The following ZNF512 variants were observed in gnomAD, a reference collection of about 807,000 sequenced individuals.
ZNF512 encodes zinc finger protein 512.
Under a neutral mutation model 77.5 loss-of-function variants are expected in ZNF512, and 25 were observed. The observed-to-expected ratio is 0.32, with a 90% CI of 0.23 to 0.45. ZNF512 has a LOEUF of 0.45. Ranked by LOEUF, ZNF512 falls within the 20% of genes least tolerant of loss-of-function variation. ZNF512 has a pLI of 1.00. For missense variants in ZNF512, 483 were observed against 692.6 expected (o/e 0.70, Z 3.40); for synonymous variants, 246 against 239.9 (o/e 1.03, Z -0.24).
At chr2:27,603,573 A>AGTGCGTGTGTGTGTGTGTGTGTGT (rs1672218741) in intron 9 of ZNF512, among the ~76,000 whole-genome samples, 1 of 133,176 alleles carries the variant, frequency 7.5e-6, no homozygotes, top group African/African-American at 3.1e-5. Context: ...ATTTTTATAT[A>AGTGCGTGTGTGTGTGTGTGTGTGT]GTGTGTGTGT....
At chr2:27,595,836 G>A (rs1671844005) in intron 2 of ZNF512, among the ~76,000 whole-genome samples, 1 of 152,110 alleles carries the variant, frequency 6.6e-6, no homozygotes, top group Non-Finnish European at 1.5e-5. Flanking sequence ...TTATAAGAAA[G>A]TATTTCTTTT....
intron 11 of ZNF512, among the ~76,000 whole-genome samples, chr2:27,615,546 G>A (rs528083290): frequency 1.3e-5 from 2 of 152,346 alleles, no homozygotes; most frequent in South Asian, 4.1e-4. Flanking sequence ...CATTTATCTG[G>A]GAGCTTGGCT....
chr2:27,600,591 G>T (rs1306946078), intron 5 of ZNF512, 100 bp from the exon 6 acceptor site: 3 of 1,453,162 alleles, frequency 2.1e-6, no homozygotes, highest in Non-Finnish European at 2.8e-6. Flanking sequence ...CCAGGAAAAG[G>T]AAAAACCATT....
intron 2 of ZNF512, among the ~76,000 whole-genome samples, chr2:27,597,207 T>C (rs896967281): frequency 6.6e-6 from 1 of 152,240 alleles, no homozygotes; most frequent in African/African-American, 2.4e-5. Flanking sequence ...AGTGTTACCT[T>C]GAATCTGCCA....
chr2:27,583,612 G>C, intron 1 of ZNF512, 46 bp from the exon 2 acceptor site: 1 of 1,608,040 alleles, frequency 6.2e-7, no homozygotes, highest in South Asian at 1.1e-5. Context: ...TTGTGGTCGA[G>C]GTTCAGAGGT....
rs191891365 is a variant in ZNF512 at position 27,598,106 on chromosome 2, G to A, written c.129G>A (p.Gln43=). 1.5e-4 allele frequency: 245 copies of A among 1,610,104 alleles called. 1 individual carries two copies. The East Asian group carries it at 5.1e-3, about 34-fold the overall frequency. The part of the protein sequence containing the change: ...TQCSIKDNSF[Q]YTIPHDDSLS... ...GCTCCATAAAGGATAATAGTTTCCA[G>A]TACACTATCCCTCATGATGACTCCT... Residue 43 remains glutamine (Q), a synonymous_variant, in exon 3 of 14, where the codon CAG becomes CAA. Transcript: ENST00000355467.
chr2:27,590,252 A>G (rs1019496288), intron 2 of ZNF512, among the ~76,000 whole-genome samples: 1 of 152,230 alleles, frequency 6.6e-6, no homozygotes, highest in Non-Finnish European at 1.5e-5. Context: ...AGGCACATAC[A>G]GTGGGTAATT....
intron 2 of ZNF512, 24 bp from the exon 3 acceptor site, chr2:27,598,043 G>A (rs755122084): frequency 2.0e-6 from 3 of 1,499,650 alleles, no homozygotes; most frequent in Non-Finnish European, 2.7e-6. Flanking sequence ...TTCCTTTGTG[G>A]TATATATTTT....
chr2:27,617,953 T>G (rs1455171496), intron 13 of ZNF512, among the ~76,000 whole-genome samples: 1 of 149,860 alleles, frequency 6.7e-6, no homozygotes, highest in Non-Finnish European at 1.5e-5. Context: ...TTGAACTCTT[T>G]TTTTTTTTTT....
chr2:27,601,326 C>G (rs751955377), intron 6 of ZNF512, 30 bp from the exon 7 acceptor site: 1 of 1,550,756 alleles, frequency 6.4e-7, no homozygotes, highest in Non-Finnish European at 8.9e-7. Flanking sequence ...TGTGGAACAA[C>G]CTAGCACTGA....
rs772057008 is a variant in ZNF512, at chr2:27,622,613, T to C, written c.*1152T>C. ...ATCTGGTAATGTTTAATGGGTTATT[T>C]CTCTTTGAGGGTGGCTTTCTCTGGA... is the stretch of plus-strand genomic sequence containing the variant. On this transcript the variant is annotated 3_prime_UTR_variant, in exon 14 of 14. Transcript: ENST00000355467. The C allele has an allele frequency of 6.5e-6, 1 of 152,822 alleles. No individual in the cohort carries two copies. The highest frequency in any genetic ancestry group is 1.5e-5 in the Non-Finnish European group (1 of 68,046). The allele number at this position is 152,822 out of a possible 1,614,324, so 9.5% of individuals were successfully genotyped here. A position where few individuals can be genotyped will look rare whatever the true frequency, so the allele number is the denominator to read the frequency against.
rs1558468535 is a variant in ZNF512 at position 27,598,249 on chromosome 2, T to C, written c.272T>C (p.Val91Ala). The C allele has an allele frequency of 8.7e-6, 14 of 1,611,972 alleles. No individual in the cohort carries two copies. The highest frequency in any genetic ancestry group is 1.1e-5 in the Non-Finnish European group (13 of 1,179,084). Residue 91 changes from valine (V) to alanine (A), a missense_variant, in exon 3 of 14, where the codon GTC becomes GCC. Val to Ala is a moderately conservative substitution (Grantham distance 64, BLOSUM62 0). Around this residue, in one of 2 missense-constraint regions of ZNF512, gnomAD observed 159 missense variants for 167.5 expected, o/e 0.95. Coordinates refer to ENST00000355467, the MANE Select transcript of ZNF512 (RefSeq NM_032434.4). ...ATCAAGCCAGCTGCTACTTCTCATG[T>C]CGAAGGTATCAATATCAGTGTCTTA... ...RRIKPAATSHVEGSGGVSAKG... is the reference protein window; with the variant it reads ...RRIKPAATSHAEGSGGVSAKG...
chr2:27,583,174 G>A, intron 1 of ZNF512, 32 bp downstream of exon 1: 1 of 1,614,198 alleles, frequency 6.2e-7, no homozygotes, highest in Non-Finnish European at 8.5e-7. Context: ...TTATGCTTTA[G>A]AGGTAGCGCT....
In ZNF512 at chr2:27,599,522, G is replaced by A. The variant is rs1203466119; in HGVS notation, c.278-61G>A. ...CTTGTGAATGATGTTTTGAAGACAG[G>A]CCTAGATGTTCATTTACAAAGTGTG... On this transcript the variant is annotated intron_variant, in intron 3 of 13. Coordinates refer to ENST00000355467, the MANE Select transcript of ZNF512 (RefSeq NM_032434.4). The A allele has an allele frequency of 5.3e-5, 65 of 1,223,540 alleles. No individual in the cohort carries two copies. In the South Asian group the frequency reaches 6.4e-4, roughly 12 times the overall value. The allele number at this position is 1,223,540 out of a possible 1,614,324, so 75.8% of individuals were successfully genotyped here.
intron 2 of ZNF512, 151 bp downstream of exon 2, chr2:27,583,867 G>A (rs1198655128): frequency 1.2e-6 from 1 of 829,830 alleles, no homozygotes. Context: ...AATGTGGCTA[G>A]TGCAACTGAG....
intron 8 of ZNF512, 22 bp from the exon 9 acceptor site, chr2:27,603,118 T>G: frequency 6.2e-7 from 1 of 1,612,362 alleles, no homozygotes; most frequent in East Asian, 2.2e-5. Flanking sequence ...GATTATAGTT[T>G]AGGCTTCTCT....
At chr2:27,596,593 C>T (rs1671882205) in intron 2 of ZNF512, among the ~76,000 whole-genome samples, 1 of 152,158 alleles carries the variant, frequency 6.6e-6, no homozygotes, top group Admixed American at 6.5e-5. Flanking sequence ...GAAAACTCAC[C>T]CCATTTGGGG....
At chr2:27,592,045 A>G (rs998082075) in intron 2 of ZNF512, among the ~76,000 whole-genome samples, 1 of 152,234 alleles carries the variant, frequency 6.6e-6, no homozygotes, top group Non-Finnish European at 1.5e-5. Context: ...GCTGGAATGC[A>G]GTGGCGCAAC....
In ZNF512 at chr2:27,621,468, A is replaced by G. The variant is rs756924357; in HGVS notation, c.*7A>G. The G allele has an allele frequency of 1.3e-6, 2 of 1,599,048 alleles. No individual in the cohort carries two copies. The highest frequency in any genetic ancestry group is 1.1e-5 in the South Asian group (1 of 90,034). On this transcript the variant is annotated 3_prime_UTR_variant, in exon 14 of 14. Coordinates refer to ENST00000355467, the MANE Select transcript of ZNF512 (RefSeq NM_032434.4). The stretch of plus-strand genomic sequence containing the variant: ...TAAACGAGGAAGGAAATAGGCAGTC[A>G]GTGTAAAAGTGCTCCTAGGAAAGCA...
Sources: allele counts gnomAD v4.1 joint callset (sites outside exome capture counted in the v4.1 genomes callset), GRCh38; gene constraint gnomAD v4.1.1; regional missense constraint gnomAD v4.1.1; transcripts MANE v1.5; gene names NCBI Gene and HGNC (gene_info 2026-07-23, HGNC 2026-07-21).